The following KAT2B variants were observed in gnomAD, a reference collection of about 807,000 sequenced individuals.
The protein encoded by KAT2B is histone acetyltransferase KAT2B.
Under a neutral mutation model 105.9 loss-of-function variants are expected in KAT2B, and 36 were observed. The observed-to-expected ratio is 0.34, with a 90% CI of 0.26 to 0.45. The LOEUF (loss-of-function observed/expected upper bound fraction) is 0.45. Ranked by LOEUF, KAT2B falls within the 20% of genes least tolerant of loss-of-function variation. The probability of loss-of-function intolerance (pLI) is 1.00; values close to 1 mark genes in which losing one functional copy is unlikely to be tolerated. For missense variants in KAT2B, 820 were observed against 1,021.6 expected, an observed-to-expected ratio of 0.80 and a Z score of 2.69; for synonymous variants, 397 against 377.9, an observed-to-expected ratio of 1.05 and a Z score of -0.59.
rs1230646017 is a variant in KAT2B, at chr3:20,148,475, A to C, written c.2293A>C (p.Arg765=). ...TEAPGYYEVI[R]FPMDLKTMSE... ...AGCTCCAGGATATTATGAAGTTATA[A>C]GGTTCCCCATGGGTAATACCATTAA... is the stretch of plus-strand genomic sequence containing the variant. The change falls in exon 17 of 18, where the codon AGG becomes CGG. Residue 765 remains arginine, a synonymous_variant. Coordinates refer to ENST00000263754, the MANE Select transcript of KAT2B (RefSeq NM_003884.5). 6.2e-7 allele frequency: 1 copy of C among 1,600,456 alleles called. No individual in the cohort carries two copies. Among genetic ancestry groups the C allele is most frequent in the East Asian group, 2.2e-5 (1 of 44,826 alleles).
At chr3:20,054,448 T>C (rs909504021) in intron 1 of KAT2B, among the ~76,000 whole-genome samples, 3 of 152,198 alleles carry the variant, frequency 2.0e-5, no homozygotes, top group Non-Finnish European at 4.4e-5. Flanking sequence ...GAAAAAAGTG[T>C]GAATAATGTC....
intron 8 of KAT2B, among the ~76,000 whole-genome samples, chr3:20,120,717 C>A (rs1699293260): frequency 6.6e-6 from 1 of 152,140 alleles, no homozygotes. Flanking sequence ...GCAAAAATAT[C>A]TCTTGAGCCT....
intron 8 of KAT2B, among the ~76,000 whole-genome samples, chr3:20,121,957 G>C (rs773789128): frequency 6.6e-6 from 1 of 152,044 alleles, no homozygotes; most frequent in Non-Finnish European, 1.5e-5. Context: ...TTATTACATA[G>C]CAATAACTAA....
intron 1 of KAT2B, among the ~76,000 whole-genome samples, chr3:20,042,781 T>C (rs1034671725): frequency 9.2e-5 from 14 of 152,226 alleles, no homozygotes; most frequent in African/African-American, 2.4e-4. Flanking sequence ...GTGGCCTGCA[T>C]TGATATTTTT....
At chr3:20,127,345 G>A in intron 10 of KAT2B, 78 bp from the exon 11 acceptor site, 1 of 1,263,058 alleles carries the variant, frequency 7.9e-7, no homozygotes, top group East Asian at 2.3e-5. Flanking sequence ...TTTCTTAGTT[G>A]GTTAATAAGG....
chr3:20,146,529 G>A, intron 14 of KAT2B, 99 bp downstream of exon 14: 1 of 690,516 alleles, frequency 1.4e-6, no homozygotes, highest in Non-Finnish European at 2.6e-6. Context: ...AAGCTTTATT[G>A]CCCTGCCCGT....
intron 5 of KAT2B, among the ~76,000 whole-genome samples, chr3:20,103,078 G>T (rs1014772258): frequency 6.6e-6 from 1 of 151,942 alleles, no homozygotes; most frequent in African/African-American, 2.4e-5. Context: ...ATATTTATAG[G>T]AATTGCAGAT....
At chr3:20,093,433 A>C (rs1368442760) in intron 2 of KAT2B, among the ~76,000 whole-genome samples, 3 of 152,198 alleles carry the variant, frequency 2.0e-5, no homozygotes, top group Admixed American at 2.0e-4. Context: ...AGAGTAGGTT[A>C]CAGTGATAAG....
Position 20,111,579 on chromosome 3 carries a change from G to A in KAT2B, c.852-17G>A. 1 of 1,597,824 alleles carries A rather than the reference G, an allele frequency of 6.3e-7. No homozygotes were observed. ...GGTTTATGGGATATTGATGGTGCTT[G>A]ACTTCTCTTGTCACAGGTGGCTGTG... On this transcript the variant is annotated splice_polypyrimidine_tract_variant and intron_variant, in intron 5 of 17. Coordinates refer to ENST00000263754, the MANE Select transcript of KAT2B (RefSeq NM_003884.5).
intron 15 of KAT2B, 72 bp from the exon 16 acceptor site, chr3:20,148,171 G>T: frequency 7.0e-7 from 1 of 1,438,376 alleles, no homozygotes; most frequent in Non-Finnish European, 9.7e-7. Context: ...GTAAGAATGA[G>T]CTGAATAGTA....
intron 1 of KAT2B, among the ~76,000 whole-genome samples, chr3:20,052,993 G>A (rs896317386): frequency 6.6e-6 from 1 of 151,924 alleles, no homozygotes; most frequent in African/African-American, 2.4e-5. Flanking sequence ...AGAAAGATGA[G>A]GAAACTAAGG....
At chr3:20,112,391 A>G (rs1699138230) in intron 6 of KAT2B, among the ~76,000 whole-genome samples, 1 of 152,232 alleles carries the variant, frequency 6.6e-6, no homozygotes, top group Non-Finnish European at 1.5e-5. Context: ...TCAGAGCTCC[A>G]AGGCATAAAT....
rs567747290 is a variant in KAT2B, at chr3:20,096,247, C to T, written c.576+839C>T. 1.4e-4 allele frequency among the ~76,000 whole-genome samples: 22 copies of T among 152,220 alleles called. No homozygotes were observed. In the South Asian group the frequency reaches 4.1e-3, roughly 29 times the overall value. ...CCTGTTTCTCACTGACACCAGTCAC[C>T]GATTACTGCTGCCATTCCCCGTAGC... On this transcript the variant is annotated intron_variant, in intron 3 of 17. Coordinates refer to ENST00000263754, the MANE Select transcript of KAT2B (RefSeq NM_003884.5).
Position 20,152,689 on chromosome 3 carries a change from T to G in KAT2B, c.*164T>G, listed in dbSNP as rs1012225738. The G allele has an allele frequency of 9.7e-6, 5 of 516,482 alleles. No homozygotes were observed. In the Admixed American group the frequency reaches 1.6e-4, roughly 17 times the overall value. The allele number at this position is 516,482 out of a possible 1,614,324, so 32.0% of individuals were successfully genotyped here. On this transcript the variant is annotated 3_prime_UTR_variant, in exon 18 of 18. Coordinates refer to ENST00000263754, the MANE Select transcript of KAT2B (RefSeq NM_003884.5). The stretch of plus-strand genomic sequence containing the variant: ...AAACCTCCTTTTAGCTTTTCAGATA[T>G]GTATTTAAATTGAAGTCATAGGACA...
At chr3:20,058,762 C>T (rs1164914447) in intron 1 of KAT2B, among the ~76,000 whole-genome samples, 1 of 152,016 alleles carries the variant, frequency 6.6e-6, no homozygotes, top group Non-Finnish European at 1.5e-5. Flanking sequence ...GGCTTGTGTC[C>T]CAGGGAAGGA....
chr3:20,047,289 C>T (rs1384149400), intron 1 of KAT2B, among the ~76,000 whole-genome samples: 1 of 152,068 alleles, frequency 6.6e-6, no homozygotes, highest in African/African-American at 2.4e-5. Context: ...ACAGGCTGGT[C>T]TTGAACTCCT....
At chr3:20,116,079 T>TC (rs1330997367) in intron 7 of KAT2B, among the ~76,000 whole-genome samples, 1 of 151,970 alleles carries the variant, frequency 6.6e-6, no homozygotes, top group Non-Finnish European at 1.5e-5. Flanking sequence ...CATCTTTGTG[T>TC]CCTTTTTTTT....
intron 11 of KAT2B, among the ~76,000 whole-genome samples, chr3:20,132,611 G>T (rs984495431): frequency 6.6e-6 from 1 of 152,122 alleles, no homozygotes; most frequent in African/African-American, 2.4e-5. Context: ...TCTAACCAAG[G>T]CAGTACTTAA....
In KAT2B at chr3:20,106,961, GTA is replaced by G. The variant is rs60656536; in HGVS notation, c.852-4619_852-4618del. Among the ~76,000 whole-genome samples, 308 of 69,960 alleles carry G rather than the reference GTA, an allele frequency of 4.4e-3. 2 individuals carry two copies. The highest frequency in any genetic ancestry group is 7.6e-3 in the South Asian group (16 of 2,102). The allele number at this position is 69,960 out of a possible 152,430, so 45.9% of individuals were successfully genotyped here. A position where few individuals can be genotyped will look rare whatever the true frequency, so the allele number is the denominator to read the frequency against. ...TAAGAAATTATTCTGAATTTTATGT[GTA>G]TATATATATATATATGTATATATAT... On this transcript the variant is annotated intron_variant, in intron 5 of 17. Coordinates refer to ENST00000263754, the MANE Select transcript of KAT2B (RefSeq NM_003884.5).
Sources: allele counts gnomAD v4.1 joint callset (sites outside exome capture counted in the v4.1 genomes callset), GRCh38; gene constraint gnomAD v4.1.1; transcripts MANE v1.5; gene names NCBI Gene and HGNC (gene_info 2026-07-23, HGNC 2026-07-21).